The following PREX1 variants were observed in gnomAD, a reference collection of about 807,000 sequenced individuals.
PREX1 encodes phosphatidylinositol 3,4,5-trisphosphate-dependent Rac exchanger 1 protein.
A neutral mutation model predicts 198.3 loss-of-function variants in PREX1; 41 were observed. The ratio of observed to expected loss-of-function variants is 0.21; its 90% CI spans 0.16 to 0.27. PREX1 has a LOEUF of 0.27. Ranked by LOEUF, PREX1 falls within the 10% of genes least tolerant of loss-of-function variation. The probability of loss-of-function intolerance (pLI) is 1.00; values close to 1 mark genes in which losing one functional copy is unlikely to be tolerated. For synonymous variants in PREX1, 843 were observed against 887.2 expected (o/e 0.95, Z 0.89); for missense variants, 1,620 against 2,200.7 (o/e 0.74, Z 5.28).
intron 1 of PREX1, among the ~76,000 whole-genome samples, chr20:48,775,523 C>A (rs2090256998): frequency 6.6e-6 from 1 of 152,024 alleles, no homozygotes; most frequent in African/African-American, 2.4e-5. Context: ...GCAGAGTGAA[C>A]AGGTGAGAGT....
At chr20:48,667,174 A>C (rs750639591) in intron 14 of PREX1, among the ~76,000 whole-genome samples, 9 of 152,188 alleles carry the variant, frequency 5.9e-5, no homozygotes, top group Non-Finnish European at 1.0e-4. Flanking sequence ...CACACTAAGG[A>C]AGGCAGAGCA....
At chr20:48,697,150 C>A (rs1326284717) in intron 7 of PREX1, among the ~76,000 whole-genome samples, 3 of 152,074 alleles carry the variant, frequency 2.0e-5, no homozygotes, top group African/African-American at 7.2e-5. Flanking sequence ...TGTGAGACAC[C>A]CAAATAAAGA....
intron 33 of PREX1, among the ~76,000 whole-genome samples, chr20:48,634,029 C>T (rs147394277): frequency 5.9e-5 from 6 of 102,302 alleles, no homozygotes; most frequent in Non-Finnish European, 1.0e-4. Flanking sequence ...TTGGATGGAT[C>T]GATGGATGAA....
intron 17 of PREX1, among the ~76,000 whole-genome samples, chr20:48,657,503 G>C (rs554656754): frequency 6.6e-6 from 1 of 152,336 alleles, no homozygotes; most frequent in East Asian, 1.9e-4. Context: ...TGTCTGTTAG[G>C]GCCTGGCGAA....
chr20:48,883,643 A>G, the PREX1 span, among the ~76,000 whole-genome samples: 3 of 152,154 alleles, frequency 2.0e-5, no homozygotes, highest in South Asian at 4.1e-4. Context: ...ATTTTACAAT[A>G]GCATCAAAAA....
the PREX1 span, among the ~76,000 whole-genome samples, chr20:48,840,753 C>A: frequency 6.6e-6 from 1 of 152,202 alleles, no homozygotes; most frequent in African/African-American, 2.4e-5. Context: ...CCTTGAGATT[C>A]TGTGAGCTCC....
chr20:48,739,355 T>G (rs1184622225), intron 3 of PREX1, among the ~76,000 whole-genome samples: 1 of 152,210 alleles, frequency 6.6e-6, no homozygotes, highest in African/African-American at 2.4e-5. Flanking sequence ...TTCAGACACA[T>G]ATTTTTTTTA....
At chr20:48,863,396 G>A in the PREX1 span, among the ~76,000 whole-genome samples, 13 of 152,042 alleles carry the variant, frequency 8.6e-5, no homozygotes, top group Middle Eastern at 3.4e-3. Flanking sequence ...TTATTAGGTA[G>A]AATAGTTTCA....
rs200495303 is a variant in PREX1, at chr20:48,741,342, TTTTTA to T, written c.414+3678_414+3682del. The stretch of plus-strand genomic sequence containing the variant: ...CAAGTGAGCTTGGGGCTCGATTTTT[TTTTTA>T]TTTTATTTTTTGTTTTGTTTTGTTT... On this transcript the variant is annotated intron_variant, in intron 3 of 39. Coordinates refer to ENST00000371941, the MANE Select transcript of PREX1 (RefSeq NM_020820.4). Among the ~76,000 whole-genome samples the T allele has an allele frequency of 2.7e-3, 405 of 151,026 alleles. 3 individuals carry two copies. In the East Asian group the frequency reaches 0.042, roughly 16 times the overall value.
At chr20:48,651,201 G>C in intron 22 of PREX1, 146 bp from the exon 23 acceptor site, 1 of 1,290,236 alleles carries the variant, frequency 7.8e-7, no homozygotes, top group Non-Finnish European at 1.0e-6. Flanking sequence ...AGTAAACTGA[G>C]GCTAAAGGGA....
At chr20:48,842,048 G>A in the PREX1 span, among the ~76,000 whole-genome samples, 4 of 151,760 alleles carry the variant, frequency 2.6e-5, no homozygotes, top group Non-Finnish European at 4.4e-5. Flanking sequence ...TATATCTCTG[G>A]CCTGCAGACC....
At chr20:48,658,635 G>C (rs973414111) in intron 16 of PREX1, among the ~76,000 whole-genome samples, 5 of 152,206 alleles carry the variant, frequency 3.3e-5, no homozygotes, top group African/African-American at 1.2e-4. Flanking sequence ...AGTTCTCATG[G>C]GTGCTGGAGA....
At chr20:48,650,231 C>A (rs2089483364) in intron 23 of PREX1, 25 bp from the exon 24 acceptor site, 8 of 1,582,648 alleles carry the variant, frequency 5.1e-6, no homozygotes, top group Non-Finnish European at 6.9e-6. Context: ...GCCGTAAGGT[C>A]GTGAATCACA....
chr20:48,735,630 G>A (rs553908091), intron 3 of PREX1, among the ~76,000 whole-genome samples: 4 of 151,140 alleles, frequency 2.6e-5, no homozygotes, highest in Non-Finnish European at 5.9e-5. Flanking sequence ...AGTACAGGCT[G>A]CCCAGCATGT....
intron 1 of PREX1, among the ~76,000 whole-genome samples, chr20:48,795,959 T>C (rs933265737): frequency 1.3e-5 from 2 of 152,014 alleles, no homozygotes; most frequent in African/African-American, 4.8e-5. Flanking sequence ...CACATCGATG[T>C]GTGGCAATGA....
chr20:48,726,335 C>G lies in PREX1; in HGVS notation c.576G>C (p.Leu192=), dbSNP rs372569792. ...KTTDIPLEGY[L]LSPIQRICKY... ...TGCAGATCCTCTGGATCGGAGACAA[C>G]AGGTAGCCTTCCAAAGGGATGTCCG... Residue 192 remains leucine (L), a synonymous_variant, in exon 5 of 40, where the codon CTG becomes CTC. Coordinates refer to ENST00000371941, the MANE Select transcript of PREX1 (RefSeq NM_020820.4). 7 of 1,613,982 alleles carry G rather than the reference C, an allele frequency of 4.3e-6. No individual in the cohort carries two copies. Among genetic ancestry groups the G allele is most frequent in the Middle Eastern group, 1.6e-4 (1 of 6,062 alleles).
At position 48,814,676 on chromosome 20, in the gene PREX1, G is replaced by A. The variant is rs182708362; in HGVS notation, c.219+12966C>T. Among the ~76,000 whole-genome samples, 55 of 152,256 alleles carry A rather than the reference G, an allele frequency of 3.6e-4. No homozygotes were observed. The East Asian group carries it at 9.8e-3, about 27-fold the overall frequency. ...AAGCCATCATAAGGAGCTGGGATTC[G>A]ATTAACCTCCATGTTCCACCTCCAG... On this transcript the variant is annotated intron_variant, in intron 1 of 39. Coordinates refer to ENST00000371941, the MANE Select transcript of PREX1 (RefSeq NM_020820.4).
intron 1 of PREX1, among the ~76,000 whole-genome samples, chr20:48,800,699 T>C (rs1160209520): frequency 6.6e-6 from 1 of 152,090 alleles, no homozygotes; most frequent in African/African-American, 2.4e-5. Flanking sequence ...GTACTGAGCC[T>C]CTCGGGCAGG....
the PREX1 span, among the ~76,000 whole-genome samples, chr20:48,859,572 G>C: frequency 1.3e-5 from 2 of 152,160 alleles, no homozygotes; most frequent in Non-Finnish European, 2.9e-5. Flanking sequence ...GTGAGGATGT[G>C]GGAAAAATTT....
Sources: allele counts gnomAD v4.1 joint callset (sites outside exome capture counted in the v4.1 genomes callset), GRCh38; gene constraint gnomAD v4.1.1; transcripts MANE v1.5; gene names NCBI Gene and HGNC (gene_info 2026-07-23, HGNC 2026-07-21).